CPT1A: variants seen among roughly 807,000 people sequenced by gnomAD.
CPT1A encodes the protein carnitine palmitoyltransferase 1A, also known as carnitine O-palmitoyltransferase 1, liver isoform.
CPT1A carries 64 observed loss-of-function variants against 100.8 expected under a neutral mutation model. The ratio of observed to expected loss-of-function variants is 0.63; its 90% CI spans 0.52 to 0.78. The LOEUF is 0.78. CPT1A is among the 30% of genes least tolerant of loss of function. CPT1A has a pLI of 0.00. For synonymous variants in CPT1A, 363 were observed against 396.0 expected, an observed-to-expected ratio of 0.92 and a Z score of 0.99; for missense variants, 802 against 1,034.1, an observed-to-expected ratio of 0.78 and a Z score of 3.08.
intron 14 of CPT1A, among the ~76,000 whole-genome samples, chr11:68,771,567 C>A (rs1045464943): frequency 1.3e-5 from 2 of 152,152 alleles, no homozygotes; most frequent in African/African-American, 2.4e-5. Flanking sequence ...TCACTGTGCT[C>A]CTGGTACTCT....
intron 14 of CPT1A, among the ~76,000 whole-genome samples, chr11:68,765,030 G>T (rs2153995588): frequency 6.6e-6 from 1 of 152,334 alleles, no homozygotes; most frequent in Admixed American, 6.5e-5. Context: ...CAGGCCTGGG[G>T]CCTGCCATGA....
chr11:68,773,707 T>C (rs550854810), intron 13 of CPT1A: 73 of 428,886 alleles, frequency 1.7e-4, no homozygotes, highest in African/African-American at 1.5e-3. Context: ...CGACCATCAG[T>C]GATGGTCAGG....
chr11:68,786,602 C>T (rs1159206255), intron 9 of CPT1A, among the ~76,000 whole-genome samples: 5 of 152,226 alleles, frequency 3.3e-5, no homozygotes, highest in Non-Finnish European at 7.3e-5. Flanking sequence ...GCGATCTCGG[C>T]TCACTGCAAC....
intron 1 of CPT1A, among the ~76,000 whole-genome samples, chr11:68,834,727 C>A (rs926170705): frequency 6.6e-6 from 1 of 152,082 alleles, no homozygotes; most frequent in African/African-American, 2.4e-5. Context: ...GATGACAGAG[C>A]GAGACCCTGT....
chr11:68,842,956 T>C (rs1242989206), upstream of CPT1A, among the ~76,000 whole-genome samples: 3 of 152,370 alleles, frequency 2.0e-5, no homozygotes, highest in East Asian at 1.9e-4. Flanking sequence ...ACCGATGTTA[T>C]GAACAAAGAC....
chr11:68,819,372 G>A (rs906731347), intron 1 of CPT1A, among the ~76,000 whole-genome samples: 2 of 152,056 alleles, frequency 1.3e-5, no homozygotes, highest in African/African-American at 2.4e-5. Flanking sequence ...GAGCCACCAC[G>A]CCCCGCCTCA....
At chr11:68,786,114 C>A in intron 9 of CPT1A, 1 of 700,116 alleles carries the variant, frequency 1.4e-6, no homozygotes, top group East Asian at 2.7e-5. Context: ...GTATTCCCAG[C>A]ACTTCAGGAG....
At chr11:68,831,781 G>C (rs1330742435) in intron 1 of CPT1A, among the ~76,000 whole-genome samples, 1 of 151,802 alleles carries the variant, frequency 6.6e-6, no homozygotes. Flanking sequence ...TTACAGGCAC[G>C]CACCACCACG....
At chr11:68,802,756 A>C (rs960988965) in intron 5 of CPT1A, among the ~76,000 whole-genome samples, 6 of 151,174 alleles carry the variant, frequency 4.0e-5, no homozygotes, top group Admixed American at 6.6e-5. Context: ...ATATTGCCAT[A>C]TGTAGTGGCA....
intron 14 of CPT1A, among the ~76,000 whole-genome samples, chr11:68,764,347 C>G (rs1029138236): frequency 1.3e-5 from 2 of 152,226 alleles, no homozygotes; most frequent in Non-Finnish European, 2.9e-5. Context: ...CACCCTGGCA[C>G]AGGCCCTGGT....
intron 3 of CPT1A, among the ~76,000 whole-genome samples, chr11:68,808,268 G>A (rs1192281584): frequency 6.6e-6 from 1 of 152,084 alleles, no homozygotes; most frequent in Non-Finnish European, 1.5e-5. Context: ...TGTGTAAAAC[G>A]GTCATGTAAA....
chr11:68,842,214 C>G (rs1044602723), upstream of CPT1A, among the ~76,000 whole-genome samples: 1 of 152,140 alleles, frequency 6.6e-6, no homozygotes, highest in Non-Finnish European at 1.5e-5. Context: ...GGCATTGCCC[C>G]GTGTAATGCT....
Position 68,799,272 on chromosome 11 carries a change from A to C in CPT1A, c.639T>G (p.Leu213=), listed in dbSNP as rs759422126. 3.7e-6 allele frequency: 6 copies of C among 1,614,130 alleles called. No homozygotes were observed. The highest frequency in any genetic ancestry group is 5.1e-6 in the Non-Finnish European group (6 of 1,179,978). ...TALAQDFAVG[L]GPRLQWYLKL... ...TCAAATACCACTGTAATCTTGGTCC[A>C]AGACCGACAGCAAAATCTTGAGCAA... The change falls in exon 6 of 19, where the codon CTT becomes CTG. Residue 213 remains leucine (L), a synonymous_variant. Transcript: ENST00000265641.
intron 14 of CPT1A, among the ~76,000 whole-genome samples, chr11:68,763,101 G>A (rs1854677944): frequency 6.6e-6 from 1 of 152,062 alleles, no homozygotes; most frequent in African/African-American, 2.4e-5. Context: ...CACCCGCCTT[G>A]GCTTCCCAAA....
chr11:68,780,572 C>G (rs1271077077), intron 12 of CPT1A, 68 bp downstream of exon 12: 1 of 1,412,584 alleles, frequency 7.1e-7, no homozygotes, highest in African/African-American at 1.4e-5. Flanking sequence ...GTGTGCGCCA[C>G]TGCGCCTGGC....
chr11:68,765,549 A>T (rs1339565129), intron 14 of CPT1A, among the ~76,000 whole-genome samples: 1 of 152,246 alleles, frequency 6.6e-6, no homozygotes, highest in Non-Finnish European at 1.5e-5. Flanking sequence ...CATATATGGC[A>T]TCACACACTA....
intron 14 of CPT1A, among the ~76,000 whole-genome samples, chr11:68,764,900 G>A (rs553703600): frequency 1.1e-4 from 16 of 152,352 alleles, no homozygotes; most frequent in African/African-American, 3.8e-4. Context: ...ACCTGGCTGA[G>A]CCCCCAGGAT....
chr11:68,762,560 T>A (rs1854657444), intron 15 of CPT1A, 67 bp downstream of exon 15: 1 of 1,587,246 alleles, frequency 6.3e-7, no homozygotes, highest in Admixed American at 1.7e-5. Flanking sequence ...GCTGGAGTGA[T>A]GGCCTCCAGA....
At chr11:68,826,109 G>C (rs973625837) in intron 1 of CPT1A, among the ~76,000 whole-genome samples, 2 of 152,184 alleles carry the variant, frequency 1.3e-5, no homozygotes, top group African/African-American at 2.4e-5. Flanking sequence ...CAGAGTCTGA[G>C]AGTGGTCAGC....
Sources: allele counts gnomAD v4.1 joint callset (sites outside exome capture counted in the v4.1 genomes callset), GRCh38; gene constraint gnomAD v4.1.1; transcripts MANE v1.5; gene names NCBI Gene and HGNC (gene_info 2026-07-23, HGNC 2026-07-21).